The following TMEM119 variants were observed in gnomAD, a reference collection of about 807,000 sequenced individuals.
TMEM119 encodes transmembrane protein 119.
For missense variants in TMEM119, 410 were observed against 381.0 expected (o/e 1.08, Z -0.63); for synonymous variants, 182 against 176.4 (o/e 1.03, Z -0.25).
At position 108,592,031 on chromosome 12, in the gene TMEM119, G is replaced by A. The variant is rs757028521; in HGVS notation, c.353C>T (p.Thr118Ile). 3.7e-6 allele frequency: 6 copies of A among 1,614,182 alleles called. No individual in the cohort carries two copies. In the Admixed American group the frequency reaches 6.7e-5, roughly 18 times the overall value. The change falls in exon 2 of 2, where the codon ACC becomes ATC. Residue 118 changes from threonine to isoleucine, a missense_variant. By Grantham distance (89) the Thr-to-Ile change is moderately conservative (BLOSUM62 -1). Transcript: ENST00000392806. This position sits in a 1 kb window ranked among gnomAD's most constrained non-coding sequence, Gnocchi z 4.3. ...GGCCGAGGCCTTCTGCTTCTGCCGG[G>A]TGATGACCGCGGCACAGACGATGAA... ...LMFIVCAAVI[T>I]RQKQKASAYY...
In TMEM119 at chr12:108,592,196, C is replaced by A. The variant is rs763845129; in HGVS notation, c.188G>T (p.Ser63Ile). The A allele has an allele frequency of 3.7e-6, 6 of 1,613,554 alleles. No individual in the cohort carries two copies. In the South Asian group the frequency reaches 5.5e-5, roughly 15 times the overall value. Residue 63 changes from serine to isoleucine, a missense_variant, in exon 2 of 2, where the codon AGC becomes ATC. By Grantham distance (142) the Ser-to-Ile change is moderately radical (BLOSUM62 -2). Transcript: ENST00000392806. The surrounding 1 kb of genome is among the most constrained non-coding windows in gnomAD (Gnocchi z 4.3). ...SLPPPWTPAL[S>I]PTSMGPQPIT... ...GGGCTGGGGCCCCATCGATGTGGGG[C>A]TGAGGGCCGGGGTCCAGGGTGGCGG...
Position 108,590,736 on chromosome 12 carries a change from C to A in TMEM119, c.*796G>T, listed in dbSNP as rs924170677. The A allele has an allele frequency of 3.0e-4, 46 of 152,140 alleles. No individual in the cohort carries two copies. The highest frequency in any genetic ancestry group is 1.1e-3 in the African/African-American group (45 of 41,392). 9.4% of individuals were successfully genotyped at this position (152,140 alleles called of 1,614,324 possible). On this transcript the variant is annotated 3_prime_UTR_variant, in exon 2 of 2. Coordinates refer to ENST00000392806, the MANE Select transcript of TMEM119 (RefSeq NM_181724.3). ...TGTTTCCGTAGAGTGCCTCGGGGAA[C>A]CTAGTTTGGGAAATGCTCATTTAGG...
chr12:108,594,338 T>G (rs1166883095), intron 1 of TMEM119: 1 of 152,302 alleles, frequency 6.6e-6, no homozygotes, highest in African/African-American at 2.4e-5. Context: ...GAGGATCACC[T>G]GAGCTCAGGA....
chr12:108,592,063 C>T lies in TMEM119; in HGVS notation c.321G>A (p.Leu107=). 1 of 1,614,180 alleles carries T rather than the reference C, an allele frequency of 6.2e-7. No individual in the cohort carries two copies. Among genetic ancestry groups the T allele is most frequent in the Non-Finnish European group, 8.5e-7 (1 of 1,180,006 alleles). ...LIAVVGSLAF[L]LMFIVCAAVI... is the part of the protein sequence containing the mutation. ...CCGCGGCACAGACGATGAACATCAGCAGAAAGGCCAGGGAGCCCACCACAG... is the reference window on the plus strand; with the variant it reads ...CCGCGGCACAGACGATGAACATCAGTAGAAAGGCCAGGGAGCCCACCACAG... The change falls in exon 2 of 2, where the codon CTG becomes CTA. Residue 107 remains leucine (L), a synonymous_variant. Transcript: ENST00000392806. This position sits in a 1 kb window ranked among gnomAD's most constrained non-coding sequence, Gnocchi z 4.3.
At position 108,597,099 on chromosome 12, in the gene TMEM119, G is replaced by A. The variant is rs371504667; in HGVS notation, c.-15+871C>T. ...GTGGGTGCCAATTAGCAGGTACCAC[G>A]TGATTGCCCAGGACTCCCTGCCTGG... On this transcript the variant is annotated intron_variant, in intron 1 of 1. Coordinates refer to ENST00000392806, the MANE Select transcript of TMEM119 (RefSeq NM_181724.3). Among the ~76,000 whole-genome samples the A allele has an allele frequency of 9.2e-5, 14 of 152,328 alleles. No individual in the cohort carries two copies. In the East Asian group the frequency reaches 2.5e-3, roughly 27 times the overall value.
intron 1 of TMEM119, among the ~76,000 whole-genome samples, chr12:108,593,451 G>GAA (rs75537287): frequency 7.1e-6 from 1 of 141,548 alleles, no homozygotes; most frequent in Non-Finnish European, 1.6e-5. Flanking sequence ...ATCTCAAGAA[G>GAA]AAAAAAAAAA....
chr12:108,597,498 A>G (rs1171924693), intron 1 of TMEM119, among the ~76,000 whole-genome samples: 2 of 151,862 alleles, frequency 1.3e-5, no homozygotes, highest in Non-Finnish European at 2.9e-5. Flanking sequence ...GACACACAAT[A>G]TAAAGACACA....
At position 108,590,769 on chromosome 12, in the gene TMEM119, C is replaced by T. The variant is rs936894154; in HGVS notation, c.*763G>A. 2.6e-5 allele frequency: 4 copies of T among 152,182 alleles called. No homozygotes were observed. The highest frequency in any genetic ancestry group is 7.2e-5 in the African/African-American group (3 of 41,442). 9.4% of individuals were successfully genotyped at this position (152,182 alleles called of 1,614,324 possible). On this transcript the variant is annotated 3_prime_UTR_variant, in exon 2 of 2. Coordinates refer to ENST00000392806, the MANE Select transcript of TMEM119 (RefSeq NM_181724.3). ...GGGAAATGCTCATTTAGGGACCTGTCGTAATGTGTGCAGGGGTCCTCTCAC... is the reference window on the plus strand; with the variant it reads ...GGGAAATGCTCATTTAGGGACCTGTTGTAATGTGTGCAGGGGTCCTCTCAC...
chr12:108,595,356 A>C (rs1048924955), intron 1 of TMEM119, among the ~76,000 whole-genome samples: 1 of 93,488 alleles, frequency 1.1e-5, no homozygotes, highest in South Asian at 4.5e-4. Flanking sequence ...AGACTACACA[A>C]TCATACACAC....
rs1464518318 is a variant in TMEM119 at position 108,592,778 on chromosome 12, T to A, written c.-14-381A>T. On this transcript the variant is annotated intron_variant, in intron 1 of 1. Coordinates refer to ENST00000392806, the MANE Select transcript of TMEM119 (RefSeq NM_181724.3). This position sits in a 1 kb window ranked among gnomAD's most constrained non-coding sequence, Gnocchi z 4.3. Reference sequence around the variant, plus strand: ...TTCTTACATGGAACTTCTCAATGAATCCTGATCACTGCCCAGTGTGGGAAG... The same window carrying A: ...TTCTTACATGGAACTTCTCAATGAAACCTGATCACTGCCCAGTGTGGGAAG... Among the ~76,000 whole-genome samples, 1 of 152,168 alleles carries A rather than the reference T, an allele frequency of 6.6e-6. No individual in the cohort carries two copies. The highest frequency in any genetic ancestry group is 1.5e-5 in the Non-Finnish European group (1 of 68,018).
At chr12:108,595,317 C>T (rs1322346841) in intron 1 of TMEM119, among the ~76,000 whole-genome samples, 1 of 150,920 alleles carries the variant, frequency 6.6e-6, no homozygotes, top group African/African-American at 2.5e-5. Context: ...ACACGCCACA[C>T]ACACACACAC....
Position 108,592,507 on chromosome 12 carries a change from G to T in TMEM119, c.-14-110C>A. ...AACAGGGAGCATGAAACACCTTCTA[G>T]CAAGTCCCTTCCATTCCCAGGGCCT... is the stretch of plus-strand genomic sequence containing the variant. On this transcript the variant is annotated intron_variant, in intron 1 of 1. Coordinates refer to ENST00000392806, the MANE Select transcript of TMEM119 (RefSeq NM_181724.3). The surrounding 1 kb of genome is among the most constrained non-coding windows in gnomAD (Gnocchi z 4.3). 8.2e-7 allele frequency: 1 copy of T among 1,222,198 alleles called. No homozygotes were observed. Among genetic ancestry groups the T allele is most frequent in the Non-Finnish European group, 1.1e-6 (1 of 902,456 alleles). 75.7% of individuals were successfully genotyped at this position (1,222,198 alleles called of 1,614,324 possible). A position where few individuals can be genotyped will look rare whatever the true frequency, so the allele number is the denominator to read the frequency against.
At chr12:108,596,964 G>A (rs773589721) in intron 1 of TMEM119, among the ~76,000 whole-genome samples, 7 of 152,184 alleles carry the variant, frequency 4.6e-5, no homozygotes, top group East Asian at 3.9e-4. Context: ...TGTGTCCTTG[G>A]GCTGGGCATG....
At position 108,591,694 on chromosome 12, in the gene TMEM119, C is replaced by A. The variant is rs775564100; in HGVS notation, c.690G>T (p.Glu230Asp). ...CCCCTGAGCACGGCTCCTCCTGCGC[C>A]TCTGGTGTCTCCACTGGGACCCCAT... Reference protein sequence around the residue: ...QGHGVPVETPEAQEEPCSGVL... With the variant: ...QGHGVPVETPDAQEEPCSGVL... The change falls in exon 2 of 2, where the codon GAG becomes GAT. Residue 230 changes from glutamate (E) to aspartate (D), a missense_variant. Coordinates refer to ENST00000392806, the MANE Select transcript of TMEM119 (RefSeq NM_181724.3). This position sits in a 1 kb window ranked among gnomAD's most constrained non-coding sequence, Gnocchi z 4.2. 3.7e-6 allele frequency: 6 copies of A among 1,613,590 alleles called. No individual in the cohort carries two copies. The African/African-American group carries it at 8.0e-5, about 22-fold the overall frequency.
chr12:108,596,351 G>T (rs2031503844), intron 1 of TMEM119, among the ~76,000 whole-genome samples: 1 of 151,686 alleles, frequency 6.6e-6, no homozygotes, highest in African/African-American at 2.4e-5. Flanking sequence ...GCCAAGGAAT[G>T]CAGAACCAAA....
Position 108,592,430 on chromosome 12 carries a change from C to CG in TMEM119, c.-14-34dup, listed in dbSNP as rs1226434459. On this transcript the variant is annotated intron_variant, in intron 1 of 1. Coordinates refer to ENST00000392806, the MANE Select transcript of TMEM119 (RefSeq NM_181724.3). This position sits in a 1 kb window ranked among gnomAD's most constrained non-coding sequence, Gnocchi z 4.3. Reference sequence around the variant, plus strand: ...ACAGGAGGGAGGAGAGAAGTCATGGCGGAACTCTAGAGTGTCAGGATTCAG... The same window carrying CG: ...ACAGGAGGGAGGAGAGAAGTCATGGCGGGAACTCTAGAGTGTCAGGATTCAG... 14 of 1,515,096 alleles carry CG rather than the reference C, an allele frequency of 9.2e-6. No homozygotes were observed. The highest frequency in any genetic ancestry group is 1.2e-5 in the Non-Finnish European group (14 of 1,138,236). The allele number at this position is 1,515,096 out of a possible 1,614,324, so 93.9% of individuals were successfully genotyped here.
At position 108,591,781 on chromosome 12, in the gene TMEM119, C is replaced by T. The variant is rs768293536; in HGVS notation, c.603G>A (p.Glu201=). 1.3e-6 allele frequency: 2 copies of T among 1,593,132 alleles called. No homozygotes were observed. The highest frequency in any genetic ancestry group is 1.7e-6 in the Non-Finnish European group (2 of 1,168,924). The stretch of plus-strand genomic sequence containing the variant: ...TCTCCTCTTCCTCTGCGCCCCTGCC[C>T]TCCACCATCCTGGCTCCGTCCCCAC... The part of the protein sequence containing the change: ...LGGGDGARMV[E]GRGAEEEEKG... Residue 201 remains glutamate (E), a synonymous_variant, in exon 2 of 2, where the codon GAG becomes GAA. Coordinates refer to ENST00000392806, the MANE Select transcript of TMEM119 (RefSeq NM_181724.3). The surrounding 1 kb of genome is among the most constrained non-coding windows in gnomAD (Gnocchi z 4.2).
In TMEM119 at chr12:108,590,005, T is replaced by G. The variant is rs2031359319; in HGVS notation, c.*1527A>C. On this transcript the variant is annotated 3_prime_UTR_variant, in exon 2 of 2. Transcript: ENST00000392806. ...GGAGCCCAGGCTCCCTGTCGAGGACTGACGAATATTGTGGACACAGGCTGC... is the reference window on the plus strand; with the variant it reads ...GGAGCCCAGGCTCCCTGTCGAGGACGGACGAATATTGTGGACACAGGCTGC... The G allele has an allele frequency of 6.6e-6, 1 of 152,266 alleles. No homozygotes were observed. The highest frequency in any genetic ancestry group is 6.5e-5 in the Admixed American group (1 of 15,284). 9.4% of individuals were successfully genotyped at this position (152,266 alleles called of 1,614,324 possible).
intron 1 of TMEM119, among the ~76,000 whole-genome samples, chr12:108,596,585 A>G (rs1200687931): frequency 6.6e-6 from 1 of 152,214 alleles, no homozygotes; most frequent in Non-Finnish European, 1.5e-5. Flanking sequence ...GGGGCAACGT[A>G]TGGAGGACCC....
Sources: allele counts gnomAD v4.1 joint callset (sites outside exome capture counted in the v4.1 genomes callset), GRCh38; gene constraint gnomAD v4.1.1; non-coding constraint Gnocchi (gnomAD v3.1); transcripts MANE v1.5; gene names NCBI Gene and HGNC (gene_info 2026-07-23, HGNC 2026-07-21).